SLC1A6: variants seen among roughly 807,000 people sequenced by gnomAD.
The protein encoded by SLC1A6 is excitatory amino acid transporter 4.
SLC1A6 carries 15 observed loss-of-function variants against 42.1 expected under a neutral mutation model. That is an observed-to-expected ratio of 0.36 (90% confidence interval 0.24 to 0.55). SLC1A6 has a LOEUF of 0.55. Ranked by LOEUF, SLC1A6 falls within the 20% of genes least tolerant of loss-of-function variation. The probability of loss-of-function intolerance (pLI) is 0.88; values close to 1 mark genes in which losing one functional copy is unlikely to be tolerated. For synonymous variants in SLC1A6, 317 were observed against 319.7 expected, an observed-to-expected ratio of 0.99 and a Z score of 0.09; for missense variants, 542 against 772.5, an observed-to-expected ratio of 0.70 and a Z score of 3.54.
chr19:14,978,721 C>T (rs767763923), intron 1 of SLC1A6, among the ~76,000 whole-genome samples: 15 of 151,956 alleles, frequency 9.9e-5, no homozygotes, highest in Non-Finnish European at 2.1e-4. Flanking sequence ...CCCTCAGGCA[C>T]GCAACCACCC....
In SLC1A6 at chr19:14,999,170, G is replaced by A. The variant is rs527260762; in HGVS notation, c.6+11315C>T. Among the ~76,000 whole-genome samples the A allele has an allele frequency of 2.8e-3, 428 of 152,124 alleles. 1 individual carries two copies. Among genetic ancestry groups the A allele is most frequent in the African/African-American group, 9.3e-3 (387 of 41,516 alleles). ...TGGGATTACAGGCGTGAGCCACCAT[G>A]CCCGGCCAAGAAACATTTATAATCT... On this transcript the variant is annotated intron_variant, in intron 1 of 8. Coordinates refer to the SLC1A6 transcript ENST00000430939.
At chr19:14,973,607 C>T (rs1411067546) in intron 1 of SLC1A6, 1 of 152,876 alleles carries the variant, frequency 6.5e-6, no homozygotes, top group Non-Finnish European at 1.5e-5. Flanking sequence ...TTTTGACACA[C>T]CCTGACTCCA....
intron 1 of SLC1A6, among the ~76,000 whole-genome samples, chr19:15,003,164 G>A (rs530811008): frequency 6.3e-4 from 96 of 152,172 alleles, no homozygotes; most frequent in African/African-American, 2.2e-3. Context: ...TTTTTGTACA[G>A]ATGGGGTTTC....
intron 1 of SLC1A6, among the ~76,000 whole-genome samples, chr19:15,002,063 G>A (rs1018255352): frequency 1.1e-4 from 16 of 152,086 alleles, no homozygotes; most frequent in Middle Eastern, 6.8e-3. Flanking sequence ...TGATGCACAC[G>A]CTATTTCTCT....
intron 7 of SLC1A6, among the ~76,000 whole-genome samples, chr19:14,955,562 T>C (rs1433116728): frequency 6.6e-6 from 1 of 151,354 alleles, no homozygotes; most frequent in Admixed American, 6.6e-5. Flanking sequence ...GAGGTTGCAG[T>C]GAGTGGAGAT....
At chr19:14,996,809 A>C (rs1346238423) in intron 1 of SLC1A6, among the ~76,000 whole-genome samples, 1 of 152,026 alleles carries the variant, frequency 6.6e-6, no homozygotes, top group African/African-American at 2.4e-5. Context: ...TTAGGAAAGA[A>C]AGATTTTCTA....
rs528437534 is a variant in SLC1A6 at position 14,965,828 on chromosome 19, C to G, written c.549-1467G>C. The stretch of plus-strand genomic sequence containing the variant: ...TCATGCCACTGCACTCCAGCCTGGG[C>G]GACAGAGTGAGACTCTGTTTCAAAA... On this transcript the variant is annotated intron_variant, in intron 4 of 9. Transcript: ENST00000594383. Among the ~76,000 whole-genome samples, 19 of 140,500 alleles carry G rather than the reference C, an allele frequency of 1.4e-4. No homozygotes were observed. In the South Asian group the frequency reaches 4.3e-3, roughly 32 times the overall value. The allele number at this position is 140,500 out of a possible 152,430, so 92.2% of individuals were successfully genotyped here.
Position 14,961,981 on chromosome 19 carries a change from TG to T in SLC1A6, c.935+20del. ...TCCCAGCTCTGGCTCCACCATCCCGTGGGCACAGACCAGGACTCACCAGATA... is the reference window on the plus strand; with the variant it reads ...TCCCAGCTCTGGCTCCACCATCCCGTGGCACAGACCAGGACTCACCAGATA... On this transcript the variant is annotated intron_variant, in intron 6 of 9. Transcript: ENST00000594383. 1 of 1,589,918 alleles carries T rather than the reference TG, an allele frequency of 6.3e-7. No homozygotes were observed.
At chr19:14,962,711 T>C (rs368924608) in intron 5 of SLC1A6, among the ~76,000 whole-genome samples, 84 of 152,322 alleles carry the variant, frequency 5.5e-4, no homozygotes, top group African/African-American at 2.0e-3. Flanking sequence ...GAGACCATCC[T>C]GGCCAACATG....
At chr19:14,952,265 C>T (rs1437091108) in intron 9 of SLC1A6, among the ~76,000 whole-genome samples, 1 of 84,452 alleles carries the variant, frequency 1.2e-5, no homozygotes, top group African/African-American at 5.8e-5. Context: ...CACAGCAAAA[C>T]ATAATCTCAA....
intron 3 of SLC1A6, among the ~76,000 whole-genome samples, chr19:14,969,768 C>A (rs2045616463): frequency 6.6e-6 from 1 of 152,234 alleles, no homozygotes; most frequent in Non-Finnish European, 1.5e-5. Context: ...CATGCCAAAT[C>A]CGGCCCTCTG....
intron 9 of SLC1A6, 32 bp from the exon 10 acceptor site, chr19:14,950,422 TG>T (rs1228287770): frequency 6.7e-7 from 1 of 1,487,982 alleles, no homozygotes. Flanking sequence ...CTGCCATTAA[TG>T]GGGGCTTGAA....
intron 6 of SLC1A6, among the ~76,000 whole-genome samples, chr19:14,959,291 A>G (rs1362835172): frequency 6.6e-6 from 1 of 152,232 alleles, no homozygotes; most frequent in Non-Finnish European, 1.5e-5. Flanking sequence ...GAAAAGTTTT[A>G]AATTATTAGC....
intron 4 of SLC1A6, 139 bp downstream of exon 4, chr19:14,968,164 T>C: frequency 1.5e-6 from 1 of 687,408 alleles, no homozygotes; most frequent in Non-Finnish European, 2.4e-6. Flanking sequence ...CCCTCCTCCT[T>C]AGAAGTGCCC....
At chr19:14,959,484 A>T (rs1027195028) in intron 6 of SLC1A6, among the ~76,000 whole-genome samples, 2 of 152,198 alleles carry the variant, frequency 1.3e-5, no homozygotes, top group Non-Finnish European at 1.5e-5. Flanking sequence ...CCTTGCTGAG[A>T]TAATTAAATT....
chr19:15,005,009 A>G (rs983782388), intron 1 of SLC1A6, among the ~76,000 whole-genome samples: 1 of 152,196 alleles, frequency 6.6e-6, no homozygotes, highest in Non-Finnish European at 1.5e-5. Context: ...CTGAAACCCC[A>G]GAGCTTTGGT....
chr19:14,956,332 G>T, intron 7 of SLC1A6, 144 bp downstream of exon 7: 1 of 551,176 alleles, frequency 1.8e-6, no homozygotes, highest in Non-Finnish European at 3.2e-6. Flanking sequence ...CTGGACCCCA[G>T]GTGTTGACAT....
rs1482456180 is a variant in SLC1A6 at position 14,979,481 on chromosome 19, TC to T, written c.-181del. ...ACCTCCGCGCCGCAGCCACACCGAG[TC>T]CCCGCGCCGAGCCGCGGAGTCCCCA... is the stretch of plus-strand genomic sequence containing the variant. On this transcript the variant is annotated 5_prime_UTR_variant, in exon 1 of 10. Transcript: ENST00000594383. The surrounding 1 kb of genome is among the most constrained non-coding windows in gnomAD (Gnocchi z 4.2). The T allele has an allele frequency of 1.3e-5, 2 of 150,964 alleles. No individual in the cohort carries two copies. Among genetic ancestry groups the T allele is most frequent in the African/African-American group, 4.9e-5 (2 of 41,084 alleles). 9.4% of individuals were successfully genotyped at this position (150,964 alleles called of 1,614,324 possible).
At chr19:14,970,093 A>T (rs2045620041) in intron 3 of SLC1A6, among the ~76,000 whole-genome samples, 2 of 152,078 alleles carry the variant, frequency 1.3e-5, no homozygotes, top group Admixed American at 1.3e-4. Flanking sequence ...CATTTTTTTA[A>T]TAGACAGGGT....
Sources: allele counts gnomAD v4.1 joint callset (sites outside exome capture counted in the v4.1 genomes callset), GRCh38; gene constraint gnomAD v4.1.1; non-coding constraint Gnocchi (gnomAD v3.1); transcripts MANE v1.5; gene names NCBI Gene and HGNC (gene_info 2026-07-23, HGNC 2026-07-21).